Variants in BMP6 observed in about 807,000 individuals in gnomAD.
BMP6 encodes the protein bone morphogenetic protein 6.
Under a neutral mutation model 54.1 loss-of-function variants are expected in BMP6, and 17 were observed. The ratio of observed to expected loss-of-function variants is 0.31; its 90% CI spans 0.22 to 0.47. BMP6 has a LOEUF of 0.47. Among genes scored for constraint, BMP6 ranks in the 20% least tolerant of loss-of-function variants. The pLI, the probability that BMP6 is intolerant of heterozygous loss-of-function variation, is 1.00. For missense variants in BMP6, 720 were observed against 690.4 expected (o/e 1.04, Z -0.48); for synonymous variants, 328 against 291.2 (o/e 1.13, Z -1.28).
chr6:7,847,927 A>G (rs780683335), intron 2 of BMP6, among the ~76,000 whole-genome samples: 1 of 152,218 alleles, frequency 6.6e-6, no homozygotes, highest in African/African-American at 2.4e-5. Context: ...AAGCCCTTAG[A>G]TGGAGTCTAA....
At chr6:7,802,638 AG>A (rs1758286152) in intron 1 of BMP6, among the ~76,000 whole-genome samples, 1 of 152,120 alleles carries the variant, frequency 6.6e-6, no homozygotes, top group African/African-American at 2.4e-5. Flanking sequence ...CTTGATGAGG[AG>A]GGATGGGTGC....
intron 1 of BMP6, among the ~76,000 whole-genome samples, chr6:7,731,532 G>A (rs193036288): frequency 2.7e-4 from 41 of 152,276 alleles, no homozygotes; most frequent in African/African-American, 9.6e-4. Context: ...CGGAAACCAC[G>A]CTAACCCACC....
intron 1 of BMP6, among the ~76,000 whole-genome samples, chr6:7,761,278 A>G (rs1757609454): frequency 6.6e-6 from 1 of 152,198 alleles, no homozygotes; most frequent in Non-Finnish European, 1.5e-5. Context: ...ATCATGTACA[A>G]CCTGTTTGAC....
intron 1 of BMP6, among the ~76,000 whole-genome samples, chr6:7,825,588 C>T (rs189595257): frequency 2.2e-4 from 33 of 151,964 alleles, no homozygotes; most frequent in African/African-American, 3.1e-4. Flanking sequence ...GGCATGGTGG[C>T]GCATGCCTGT....
At chr6:7,768,188 C>G (rs191702974) in intron 1 of BMP6, among the ~76,000 whole-genome samples, 38 of 152,256 alleles carry the variant, frequency 2.5e-4, no homozygotes, top group Admixed American at 1.8e-3. Flanking sequence ...TGGTGTATTG[C>G]AAACCATTCC....
At chr6:7,775,945 T>A (rs1025632680) in intron 1 of BMP6, among the ~76,000 whole-genome samples, 35 of 152,230 alleles carry the variant, frequency 2.3e-4, no homozygotes, top group African/African-American at 7.5e-4. Context: ...TCATTCTACT[T>A]ACATTAGAAT....
intron 2 of BMP6, among the ~76,000 whole-genome samples, chr6:7,848,299 A>G (rs1349661220): frequency 6.6e-6 from 1 of 152,204 alleles, no homozygotes; most frequent in Non-Finnish European, 1.5e-5. Flanking sequence ...TGGGGTTCAC[A>G]AAGTGTATGA....
At chr6:7,756,246 G>C (rs1047171155) in intron 1 of BMP6, among the ~76,000 whole-genome samples, 4 of 151,812 alleles carry the variant, frequency 2.6e-5, no homozygotes, top group African/African-American at 9.7e-5. Flanking sequence ...AGTTTCTATT[G>C]CTAAGACATC....
intron 1 of BMP6, among the ~76,000 whole-genome samples, chr6:7,775,316 C>T (rs1035785606): frequency 6.6e-6 from 1 of 152,132 alleles, no homozygotes; most frequent in Non-Finnish European, 1.5e-5. Flanking sequence ...CTCCTTTGCT[C>T]CAAGGATGAT....
intron 1 of BMP6, among the ~76,000 whole-genome samples, chr6:7,814,223 G>A (rs558770575): frequency 3.3e-4 from 50 of 152,192 alleles, no homozygotes; most frequent in Non-Finnish European, 7.2e-4. Context: ...CCTTCTGATT[G>A]TACTCAAAGT....
intron 1 of BMP6, among the ~76,000 whole-genome samples, chr6:7,822,944 C>CGTGTGT (rs1758639116): frequency 7.5e-6 from 1 of 133,902 alleles, no homozygotes; most frequent in Non-Finnish European, 1.6e-5. Flanking sequence ...TGTGTGTGTA[C>CGTGTGT]ACACTGGTAA....
intron 1 of BMP6, among the ~76,000 whole-genome samples, chr6:7,834,201 T>TA (rs1758836544): frequency 1.3e-5 from 2 of 151,352 alleles, no homozygotes; most frequent in Admixed American, 1.3e-4. Context: ...TTTTTTTTTT[T>TA]TTTTAGGAAA....
intron 1 of BMP6, among the ~76,000 whole-genome samples, chr6:7,835,355 G>A (rs1205567421): frequency 5.3e-5 from 8 of 152,224 alleles, no homozygotes; most frequent in South Asian, 2.1e-4. Flanking sequence ...CTTGTGATCC[G>A]CCCAAAGTGC....
At chr6:7,801,667 G>A (rs922699783) in intron 1 of BMP6, among the ~76,000 whole-genome samples, 2 of 152,228 alleles carry the variant, frequency 1.3e-5, no homozygotes, top group African/African-American at 4.8e-5. Context: ...TTCCCTCCCA[G>A]TCTGGGAGAT....
chr6:7,795,672 C>T (rs1033776145), intron 1 of BMP6, among the ~76,000 whole-genome samples: 1 of 152,000 alleles, frequency 6.6e-6, no homozygotes, highest in Non-Finnish European at 1.5e-5. Flanking sequence ...AGAAGGAGGG[C>T]CATCACATTG....
chr6:7,842,857 T>C (rs1486955780), intron 1 of BMP6, among the ~76,000 whole-genome samples: 1 of 152,242 alleles, frequency 6.6e-6, no homozygotes, highest in African/African-American at 2.4e-5. Flanking sequence ...GGAAGTTTAT[T>C]GAAAGACTTC....
At chr6:7,755,278 C>G (rs1757497534) in intron 1 of BMP6, among the ~76,000 whole-genome samples, 1 of 152,002 alleles carries the variant, frequency 6.6e-6, no homozygotes, top group Non-Finnish European at 1.5e-5. Context: ...TTTCTGCCTT[C>G]TTTTGGATTG....
At chr6:7,820,362 T>C (rs1185510382) in intron 1 of BMP6, among the ~76,000 whole-genome samples, 1 of 152,128 alleles carries the variant, frequency 6.6e-6, no homozygotes, top group Non-Finnish European at 1.5e-5. Context: ...TTGGTGGTGG[T>C]TTGGGAAGCT....
chr6:7,790,473 G>A (rs10458213), intron 1 of BMP6, among the ~76,000 whole-genome samples: 26,160 of 131,358 alleles, frequency 0.2, 2,788 homozygotes, highest in Admixed American at 0.3. Context: ...AGCTGAGATC[G>A]CACTGCACTC....
Sources: gnomAD v4.1 joint callset for allele counts (sites outside exome capture counted in the v4.1 genomes callset) on GRCh38, gnomAD v4.1.1 for gene constraint, MANE v1.5 for transcripts, NCBI Gene and HGNC (gene_info 2026-07-23, HGNC 2026-07-21) for gene names.